STX17: variants seen among roughly 807,000 people sequenced by gnomAD.
STX17 encodes the protein syntaxin-17.
A neutral mutation model predicts 35.9 loss-of-function variants in STX17; 29 were observed. That is an observed-to-expected ratio of 0.81 (90% CI 0.60 to 1.10). The LOEUF (loss-of-function observed/expected upper bound fraction) is 1.10. STX17 is among the 50% of genes least tolerant of loss of function. The probability of loss-of-function intolerance (pLI) is 0.00; values close to 1 mark genes in which losing one functional copy is unlikely to be tolerated. For missense variants in STX17, 312 were observed against 352.3 expected, an observed-to-expected ratio of 0.89 and a Z score of 0.92; for synonymous variants, 92 against 118.3, an observed-to-expected ratio of 0.78 and a Z score of 1.44.
At chr9:99,957,987 T>C (rs1304117359) in intron 4 of STX17, among the ~76,000 whole-genome samples, 1 of 152,160 alleles carries the variant, frequency 6.6e-6, no homozygotes, top group African/African-American at 2.4e-5. Context: ...TAAAATCTGA[T>C]TATGGCACCT....
rs746447892 is a variant in STX17, at chr9:99,951,218, TAAG to T, written c.352_354del (p.Lys118del). 46 of 1,613,028 alleles carry T rather than the reference TAAG, an allele frequency of 2.9e-5. No homozygotes were observed. The African/African-American group carries it at 5.3e-4, about 19-fold the overall frequency. On this transcript the variant is annotated inframe_deletion, in exon 4 of 8. Transcript: ENST00000259400. ...TCCATTTGGAATCTGTAGAAGAACT[TAAG>T]AAGCAATTTAATGATGAAGAAACTT...
At chr9:99,924,498 T>G (rs1190304132) in intron 2 of STX17, among the ~76,000 whole-genome samples, 1 of 152,092 alleles carries the variant, frequency 6.6e-6, no homozygotes, top group African/African-American at 2.4e-5. Context: ...GATATATTCT[T>G]TGTGTTGTTG....
intron 2 of STX17, among the ~76,000 whole-genome samples, chr9:99,928,573 T>C (rs1029522230): frequency 6.6e-6 from 1 of 152,120 alleles, no homozygotes; most frequent in Admixed American, 6.5e-5. Context: ...TTTTGGTTTA[T>C]TTTATAATTT....
intron 1 of STX17, among the ~76,000 whole-genome samples, chr9:99,908,494 T>G (rs888233009): frequency 6.6e-6 from 1 of 152,232 alleles, no homozygotes. Context: ...GACTTAGATG[T>G]TTTTCTATTG....
chr9:99,924,647 A>G (rs139744191), intron 2 of STX17, among the ~76,000 whole-genome samples: 5 of 152,278 alleles, frequency 3.3e-5, no homozygotes, highest in Non-Finnish European at 7.4e-5. Flanking sequence ...TTTTAATATT[A>G]TGTAGCTTTC....
At chr9:99,933,133 A>C (rs1829158877) in intron 3 of STX17, among the ~76,000 whole-genome samples, 1 of 152,162 alleles carries the variant, frequency 6.6e-6, no homozygotes, top group Non-Finnish European at 1.5e-5. Context: ...GGTAGACATC[A>C]ATAAAATTTT....
intron 7 of STX17, 48 bp from the exon 8 acceptor site, chr9:99,968,386 A>G (rs1321902983): frequency 6.6e-7 from 1 of 1,516,148 alleles, no homozygotes; most frequent in Non-Finnish European, 8.8e-7. Context: ...CACCACAGGC[A>G]GATATTCTCA....
chr9:99,973,351 G>T lies in STX17; in HGVS notation c.*4678G>T, dbSNP rs545088921. 1.3e-5 allele frequency among the ~76,000 whole-genome samples: 2 copies of T among 152,302 alleles called. No homozygotes were observed. Among genetic ancestry groups the T allele is most frequent in the African/African-American group, 4.8e-5 (2 of 41,570 alleles). ...GTGATTTAACTGAGTGTTAGGCCCT[G>T]TCAAGCCACCTGCTAAGGCTCATGG... On this transcript the variant is annotated 3_prime_UTR_variant, in exon 8 of 8. Transcript: ENST00000259400.
intron 3 of STX17, among the ~76,000 whole-genome samples, chr9:99,948,498 A>G (rs1368831117): frequency 6.6e-6 from 1 of 152,114 alleles, no homozygotes; most frequent in East Asian, 1.9e-4. Context: ...TGTGGTCTGG[A>G]TTTGATTCTT....
chr9:99,915,082 T>G, intron 1 of STX17, 96 bp from the exon 2 acceptor site: 1 of 756,316 alleles, frequency 1.3e-6, no homozygotes, highest in Non-Finnish European at 1.9e-6. Context: ...AATATTCTAT[T>G]TATTGATTTA....
chr9:99,928,711 T>C, intron 2 of STX17, 67 bp from the exon 3 acceptor site: 1 of 1,424,082 alleles, frequency 7.0e-7, no homozygotes, highest in Non-Finnish European at 9.9e-7. Context: ...GTGGGGATTT[T>C]TGTGGTAATG....
intron 3 of STX17, among the ~76,000 whole-genome samples, chr9:99,947,335 A>G (rs1484730162): frequency 1.3e-5 from 2 of 152,162 alleles, no homozygotes; most frequent in East Asian, 3.8e-4. Context: ...TTCAAGCTTT[A>G]TTTTTATGCC....
intron 3 of STX17, among the ~76,000 whole-genome samples, chr9:99,941,256 T>C (rs1390176536): frequency 1.3e-5 from 2 of 152,192 alleles, no homozygotes; most frequent in Admixed American, 1.3e-4. Context: ...GCCTTGAGGA[T>C]ATATGACAAA....
chr9:99,973,138 T>A lies in STX17; in HGVS notation c.*4465T>A, dbSNP rs1830046663. Among the ~76,000 whole-genome samples, 1 of 151,814 alleles carries A rather than the reference T, an allele frequency of 6.6e-6. No homozygotes were observed. Among genetic ancestry groups the A allele is most frequent in the African/African-American group, 2.4e-5 (1 of 41,314 alleles). On this transcript the variant is annotated 3_prime_UTR_variant, in exon 8 of 8. Coordinates refer to ENST00000259400, the MANE Select transcript of STX17 (RefSeq NM_017919.3). ...TATTATAAACCATCAATGTAAAGGA[T>A]CCACATGGTATGTATCCACATTGCT...
chr9:99,934,408 A>G (rs1262778301), intron 3 of STX17, among the ~76,000 whole-genome samples: 1 of 152,150 alleles, frequency 6.6e-6, no homozygotes, highest in East Asian at 1.9e-4. Flanking sequence ...CTTTTTCTCT[A>G]TTGATTTTTA....
intron 4 of STX17, among the ~76,000 whole-genome samples, chr9:99,955,997 A>G (rs1324689803): frequency 6.6e-6 from 1 of 152,144 alleles, no homozygotes; most frequent in East Asian, 1.9e-4. Context: ...TTTAAATGCA[A>G]GCTGGAATAA....
chr9:99,918,411 C>T (rs1828821952), intron 2 of STX17, among the ~76,000 whole-genome samples: 1 of 152,114 alleles, frequency 6.6e-6, no homozygotes, highest in African/African-American at 2.4e-5. Flanking sequence ...GCTAGGATTA[C>T]GGATGTGAAC....
At chr9:99,908,731 C>CT (rs1445272771) in intron 1 of STX17, among the ~76,000 whole-genome samples, 1 of 152,014 alleles carries the variant, frequency 6.6e-6, no homozygotes, top group East Asian at 1.9e-4. Context: ...CCCGTAGTTT[C>CT]TTTTTTTGGA....
Position 99,960,127 on chromosome 9 carries a change from TG to T in STX17, c.556del (p.Val186SerfsTer7). 2 of 1,614,090 alleles carry T rather than the reference TG, an allele frequency of 1.2e-6. No homozygotes were observed. The highest frequency in any genetic ancestry group is 1.1e-5 in the South Asian group (1 of 91,080). On this transcript the variant is annotated frameshift_variant, in exon 6 of 8. Transcript: ENST00000259400. LOFTEE classifies it high-confidence loss of function. ...AAGGACTTAATTGAACTTAGCCAAC[TG>T]GTCACTGACTTCTCTCTCCTAGTGA... Reference protein sequence around the residue: ...LEADLIELSQLVTDFSLLVNS... With the variant: ...LEADLIELSQXVTDFSLLVNS...
Sources: allele counts gnomAD v4.1 joint callset (sites outside exome capture counted in the v4.1 genomes callset), GRCh38; gene constraint gnomAD v4.1.1; transcripts MANE v1.5; gene names NCBI Gene and HGNC (gene_info 2026-07-23, HGNC 2026-07-21).